RTL4: variants seen among roughly 807,000 people sequenced by gnomAD.
RTL4 encodes the protein retrotransposon Gag-like protein 4.
In RTL4, 4 loss-of-function variants were observed where a neutral mutation model predicts 5.3. That is an observed-to-expected ratio of 0.75 (90% confidence interval 0.37 to 1.72). The LOEUF (loss-of-function observed/expected upper bound fraction) is 1.72, where lower values mean the gene tolerates loss of function less well. Ranked by LOEUF, RTL4 falls within the 40% of genes most tolerant of loss-of-function variation. RTL4 has a pLI of 0.04. For missense variants in RTL4, 260 were observed against 227.1 expected (o/e 1.14, Z -0.93); for synonymous variants, 98 against 87.3 (o/e 1.12, Z -0.68).
the RTL4 span, among the ~76,000 whole-genome samples, chrX:112,332,227 G>A: frequency 9.0e-6 from 1 of 110,687 alleles, no homozygotes; most frequent in Non-Finnish European, 1.9e-5. Context: ...CTTTTACACT[G>A]TTGGTGGGAC....
chrX:112,298,128 T>C, the RTL4 span, among the ~76,000 whole-genome samples: 3 of 111,496 alleles, frequency 2.7e-5, no homozygotes, highest in Admixed American at 2.9e-4. Flanking sequence ...TTTAGGCAAA[T>C]TATCTCACCT....
chrX:112,101,618 GA>G, the RTL4 span, among the ~76,000 whole-genome samples: 1 of 111,011 alleles, frequency 9.0e-6, no homozygotes, highest in Admixed American at 9.6e-5. Context: ...AAGAATATAA[GA>G]AAAAAAGAAT....
chrX:112,407,595 G>C, the RTL4 span, among the ~76,000 whole-genome samples: 298 of 112,702 alleles, frequency 2.6e-3, 3 homozygotes, highest in African/African-American at 8.9e-3. Context: ...CTGAAGGCAA[G>C]GAAACAAGCC....
At chrX:112,457,032 C>A (rs1926856894) in exon 1 of RTL4, 1 of 123,293 alleles carries the variant, frequency 8.1e-6, no homozygotes, top group Admixed American at 9.5e-5. Context: ...TTCCCTGCTT[C>A]TTGTTTCTGA....
At chrX:112,425,858 A>C in the RTL4 span, among the ~76,000 whole-genome samples, 4 of 111,378 alleles carry the variant, frequency 3.6e-5, no homozygotes, top group South Asian at 1.5e-3. Context: ...GCCTTTTATA[A>C]ATATTTTTCC....
At chrX:112,442,778 T>C in the RTL4 span, among the ~76,000 whole-genome samples, 11 of 110,638 alleles carry the variant, frequency 9.9e-5, no homozygotes, top group African/African-American at 3.6e-4. Context: ...TTTAATAATT[T>C]TTTATTTTTT....
the RTL4 span, among the ~76,000 whole-genome samples, chrX:112,200,152 C>T: frequency 8.9e-6 from 1 of 111,779 alleles, no homozygotes; most frequent in Non-Finnish European, 1.9e-5. Flanking sequence ...AGTAGGGAAC[C>T]CATAATTCAA....
the RTL4 span, among the ~76,000 whole-genome samples, chrX:112,372,088 T>A: frequency 8.9e-6 from 1 of 111,987 alleles, no homozygotes; most frequent in South Asian, 3.7e-4. Context: ...TAAAAAAACA[T>A]TTATGGCACT....
the RTL4 span, among the ~76,000 whole-genome samples, chrX:112,336,310 C>T: frequency 4.5e-5 from 5 of 111,592 alleles, no homozygotes; most frequent in Non-Finnish European, 9.4e-5. Context: ...CTGAGAAAGG[C>T]ATATATTATT....
the RTL4 span, among the ~76,000 whole-genome samples, chrX:112,325,428 G>A: frequency 4.5e-5 from 5 of 111,907 alleles, no homozygotes; most frequent in African/African-American, 1.6e-4. Context: ...AACCAAAACA[G>A]CATGATACTG....
chrX:112,352,748 T>C, the RTL4 span, among the ~76,000 whole-genome samples: 817 of 111,347 alleles, frequency 7.3e-3, 11 homozygotes, highest in African/African-American at 0.026. Context: ...ACCTAGGCAA[T>C]ACCATTCAGG....
the RTL4 span, among the ~76,000 whole-genome samples, chrX:112,328,161 A>T: frequency 9.1e-6 from 1 of 110,175 alleles, no homozygotes; most frequent in South Asian, 4.0e-4. Context: ...TAACAATATT[A>T]ATTTTAAATG....
At chrX:112,411,150 A>G in the RTL4 span, among the ~76,000 whole-genome samples, 1 of 111,692 alleles carries the variant, frequency 9.0e-6, no homozygotes, top group African/African-American at 3.2e-5. Context: ...ACCAGAATTG[A>G]ACCATGAAGA....
chrX:112,300,087 A>AATCT, the RTL4 span, among the ~76,000 whole-genome samples: 30 of 111,447 alleles, frequency 2.7e-4, no homozygotes, highest in South Asian at 7.5e-3. Flanking sequence ...GCACATATAA[A>AATCT]ATCTATCTAT....
At chrX:112,330,342 C>T in the RTL4 span, among the ~76,000 whole-genome samples, 1 of 92,059 alleles carries the variant, frequency 1.1e-5, no homozygotes, top group East Asian at 2.9e-4. Context: ...GTACAAAAAT[C>T]ACAAGCATTC....
chrX:112,144,826 T>C, the RTL4 span, among the ~76,000 whole-genome samples: 2 of 111,591 alleles, frequency 1.8e-5, no homozygotes, highest in East Asian at 5.7e-4. Flanking sequence ...GAAAAACCCC[T>C]GCAGCCATTA....
At chrX:112,383,909 T>C in the RTL4 span, among the ~76,000 whole-genome samples, 2 of 111,791 alleles carry the variant, frequency 1.8e-5, no homozygotes, top group South Asian at 7.4e-4. Flanking sequence ...TGAGACCGTT[T>C]GTATCCCAAA....
chrX:112,124,945 G>A, the RTL4 span, among the ~76,000 whole-genome samples: 1 of 111,147 alleles, frequency 9.0e-6, no homozygotes, highest in Non-Finnish European at 1.9e-5. Flanking sequence ...GTCTTACCCA[G>A]GCTGGAGTGC....
chrX:112,351,367 T>G, the RTL4 span, among the ~76,000 whole-genome samples: 3,916 of 108,847 alleles, frequency 0.036, 228 homozygotes, highest in African/African-American at 0.13. Flanking sequence ...GAGAGTTCTG[T>G]AGTTGTCTTT....
Sources: gnomAD v4.1 joint callset for allele counts (sites outside exome capture counted in the v4.1 genomes callset) on GRCh38, gnomAD v4.1.1 for gene constraint, MANE v1.5 for transcripts, NCBI Gene and HGNC (gene_info 2026-07-23, HGNC 2026-07-21) for gene names.